The following ZFYVE16 variants were observed in gnomAD, a reference collection of about 807,000 sequenced individuals.
ZFYVE16 encodes the protein zinc finger FYVE-type containing 16.
In ZFYVE16, 89 loss-of-function variants were observed where a neutral mutation model predicts 138.1. The ratio of observed to expected loss-of-function variants is 0.64; its 90% CI spans 0.54 to 0.77. ZFYVE16 has a LOEUF of 0.77. Among genes scored for constraint, ZFYVE16 ranks in the 30% least tolerant of loss-of-function variants. The pLI, the probability that ZFYVE16 is intolerant of heterozygous loss-of-function variation, is 0.00. For synonymous variants in ZFYVE16, 596 were observed against 618.3 expected (o/e 0.96, Z 0.53); for missense variants, 1,793 against 1,786.7 (o/e 1.00, Z -0.06).
intron 1 of ZFYVE16, among the ~76,000 whole-genome samples, chr5:80,408,924 A>C (rs1228573933): frequency 6.6e-6 from 1 of 152,166 alleles, no homozygotes; most frequent in Non-Finnish European, 1.5e-5. Context: ...TCGTCTCTTG[A>C]GTTGGCGGGA....
chr5:80,454,510 T>TC, intron 11 of ZFYVE16: 1 of 133,046 alleles, frequency 7.5e-6, no homozygotes, highest in East Asian at 2.0e-4. Context: ...TGTATATTCC[T>TC]TTTTTTTTTT....
chr5:80,408,574 T>G (rs1580041391), intron 1 of ZFYVE16, among the ~76,000 whole-genome samples: 1 of 152,168 alleles, frequency 6.6e-6, no homozygotes, highest in Admixed American at 6.5e-5. Context: ...AGAGGCTCGG[T>G]CCCCGCAGAG....
In ZFYVE16 at chr5:80,436,997, T is replaced by C; in HGVS notation, c.312T>C (p.Ser104=). 1 of 1,614,226 alleles carries C rather than the reference T, an allele frequency of 6.2e-7. No individual in the cohort carries two copies. Among genetic ancestry groups the C allele is most frequent in the Non-Finnish European group, 8.5e-7 (1 of 1,180,032 alleles). ...ATGTAACAGGACTTGATCTTCTTTC[T>C]TCTGTGGATGGTGGTACTTCAGATG... is the stretch of plus-strand genomic sequence containing the variant. ...EKNVTGLDLL[S]SVDGGTSDEI... is the part of the protein sequence containing the mutation. Residue 104 remains serine (S), a synonymous_variant, in exon 4 of 19, where the codon TCT becomes TCC. Transcript: ENST00000505560.
chr5:80,445,868 C>T (rs1009306072), intron 7 of ZFYVE16, among the ~76,000 whole-genome samples: 23 of 147,352 alleles, frequency 1.6e-4, no homozygotes, highest in African/African-American at 5.8e-4. Flanking sequence ...ATTGAGATTA[C>T]TGGTATAAAT....
chr5:80,482,299 C>T lies in ZFYVE16; in HGVS notation c.*4922C>T, dbSNP rs897821056. The T allele has an allele frequency of 6.6e-6, 1 of 151,948 alleles. No individual in the cohort carries two copies. The highest frequency in any genetic ancestry group is 1.5e-5 in the Non-Finnish European group (1 of 68,002). The allele number at this position is 151,948 out of a possible 1,614,324, so 9.4% of individuals were successfully genotyped here. ...AATAACAAAATTTACTGGAAGGTCTCAACACAATGAAGATGACTGAGGGAA... is the reference window on the plus strand; with the variant it reads ...AATAACAAAATTTACTGGAAGGTCTTAACACAATGAAGATGACTGAGGGAA... On this transcript the variant is annotated 3_prime_UTR_variant, in exon 19 of 19. Coordinates refer to ENST00000505560, the MANE Select transcript of ZFYVE16 (RefSeq NM_001284236.3).
intron 11 of ZFYVE16, 62 bp downstream of exon 11, chr5:80,451,771 C>T: frequency 2.1e-6 from 3 of 1,439,454 alleles, no homozygotes; most frequent in Non-Finnish European, 2.9e-6. Context: ...TAAAGACTTT[C>T]AGGGAATCAT....
intron 2 of ZFYVE16, among the ~76,000 whole-genome samples, chr5:80,428,236 C>T (rs1561250682): frequency 6.6e-6 from 1 of 152,188 alleles, no homozygotes; most frequent in African/African-American, 2.4e-5. Flanking sequence ...CTCACATGGC[C>T]GGGTACCCCT....
Position 80,436,847 on chromosome 5 carries a change from A to T in ZFYVE16, c.162A>T (p.Ser54=). 6.2e-7 allele frequency: 1 copy of T among 1,614,158 alleles called. No homozygotes were observed. The highest frequency in any genetic ancestry group is 8.5e-7 in the Non-Finnish European group (1 of 1,180,026). The change falls in exon 4 of 19, where the codon TCA becomes TCT. Residue 54 remains serine, a synonymous_variant. Coordinates refer to ENST00000505560, the MANE Select transcript of ZFYVE16 (RefSeq NM_001284236.3). ...SSELASSQRT[S]LLPKDQECVN... is the part of the protein sequence containing the mutation. The stretch of plus-strand genomic sequence containing the variant: ...AGTTGGCTTCCTCACAGCGAACTTC[A>T]TTGCTCCCAAAAGACCAAGAGTGCG...
At chr5:80,423,954 C>CT (rs70988470) in intron 1 of ZFYVE16, among the ~76,000 whole-genome samples, 120,301 of 149,836 alleles carry the variant, frequency 0.8, 50,320 homozygotes, top group East Asian at 0.92. Context: ...TTTACTTTTT[C>CT]TTTTTTTTGA....
intron 1 of ZFYVE16, among the ~76,000 whole-genome samples, chr5:80,415,879 G>C (rs1359571283): frequency 6.6e-6 from 1 of 151,890 alleles, no homozygotes; most frequent in Non-Finnish European, 1.5e-5. Flanking sequence ...TGTTGATTAG[G>C]CTGGTCTCCA....
At chr5:80,440,314 G>T in intron 5 of ZFYVE16, 1 of 1,060,234 alleles carries the variant, frequency 9.4e-7, no homozygotes, top group Non-Finnish European at 1.1e-6. Flanking sequence ...CTGCCTATTT[G>T]TTTTTGTCAT....
At position 80,480,147 on chromosome 5, in the gene ZFYVE16, G is replaced by A. The variant is rs1755210370; in HGVS notation, c.*2770G>A. 6.6e-6 allele frequency among the ~76,000 whole-genome samples: 1 copy of A among 150,968 alleles called. No individual in the cohort carries two copies. The highest frequency in any genetic ancestry group is 1.5e-5 in the Non-Finnish European group (1 of 68,016). On this transcript the variant is annotated 3_prime_UTR_variant, in exon 19 of 19. Coordinates refer to ENST00000505560, the MANE Select transcript of ZFYVE16 (RefSeq NM_001284236.3). ...TAGATTCCAGAGGCAAGAATTACTT[G>A]AAGCAATGAAAACAAACTCACAGAT... is the stretch of plus-strand genomic sequence containing the variant.
chr5:80,437,177 G>T lies in ZFYVE16; in HGVS notation c.492G>T (p.Leu164Phe). The T allele has an allele frequency of 1.2e-6, 2 of 1,613,874 alleles. No individual in the cohort carries two copies. Among genetic ancestry groups the T allele is most frequent in the Non-Finnish European group, 1.7e-6 (2 of 1,179,952 alleles). Reference protein sequence around the residue: ...FKSNADSLIGLDLSSVSDTPC... With the variant: ...FKSNADSLIGFDLSSVSDTPC... Reference sequence around the variant, plus strand: ...CTAATGCAGATTCCTTGATTGGATTGGATTTATCTTCAGTGTCAGATACTC... The same window carrying T: ...CTAATGCAGATTCCTTGATTGGATTTGATTTATCTTCAGTGTCAGATACTC... The change falls in exon 4 of 19, where the codon TTG (leucine) becomes TTT (phenylalanine). Residue 164 changes from leucine to phenylalanine, a missense_variant. Physicochemically the swap from Leu to Phe is conservative, Grantham distance 22 (BLOSUM62 0). This residue lies in a region of ZFYVE16 where 1,295 missense variants were observed against 1,204.3 expected (regional missense o/e 1.08). Coordinates refer to ENST00000505560, the MANE Select transcript of ZFYVE16 (RefSeq NM_001284236.3).
intron 18 of ZFYVE16, among the ~76,000 whole-genome samples, chr5:80,475,746 T>C (rs1754843775): frequency 1.3e-5 from 2 of 152,222 alleles, no homozygotes; most frequent in African/African-American, 2.4e-5. Context: ...TAATTATTCA[T>C]GCATATTTGA....
chr5:80,440,357 TAAAC>T (rs1170192333), intron 5 of ZFYVE16: 1 of 1,014,280 alleles, frequency 9.9e-7, no homozygotes, highest in Non-Finnish European at 1.2e-6. Context: ...TTAATCTAAA[TAAAC>T]ACTTACAGAT....
chr5:80,440,536 CTCA>C (rs1299390763), intron 5 of ZFYVE16: 1 of 984,858 alleles, frequency 1.0e-6, no homozygotes, highest in African/African-American at 1.8e-5. Flanking sequence ...ACATTTTTGT[CTCA>C]TGTTTTTTTC....
At chr5:80,466,076 C>G (rs547754274) in intron 15 of ZFYVE16, among the ~76,000 whole-genome samples, 9 of 152,104 alleles carry the variant, frequency 5.9e-5, no homozygotes, top group Admixed American at 4.6e-4. Context: ...AGGCACCCAC[C>G]ACCACGCCCA....
rs1744855464 is a variant in ZFYVE16 at position 80,408,081 on chromosome 5, C to T, written c.-166C>T. 1 of 152,290 alleles carries T rather than the reference C, an allele frequency of 6.6e-6. No individual in the cohort carries two copies. Among genetic ancestry groups the T allele is most frequent in the African/African-American group, 2.4e-5 (1 of 41,466 alleles). 9.4% of individuals were successfully genotyped at this position (152,290 alleles called of 1,614,324 possible). ...GATCTGGCACTCCCAGGACTCCCGG[C>T]CGGGGTAGCTCTTCACTCCTCAGCG... On this transcript the variant is annotated 5_prime_UTR_variant, in exon 1 of 19. Coordinates refer to ENST00000505560, the MANE Select transcript of ZFYVE16 (RefSeq NM_001284236.3).
rs1580395511 is a variant in ZFYVE16 at position 80,480,835 on chromosome 5, A to G, written c.*3458A>G. Among the ~76,000 whole-genome samples the G allele has an allele frequency of 6.6e-6, 1 of 152,080 alleles. No individual in the cohort carries two copies. Among genetic ancestry groups the G allele is most frequent in the South Asian group, 2.1e-4 (1 of 4,816 alleles). On this transcript the variant is annotated 3_prime_UTR_variant, in exon 19 of 19. Transcript: ENST00000505560. ...TCACGGGGGCTGAGGTGGGAGGATCACTTGAGCCCAGGAGGTTAAGGCTCC... is the reference window on the plus strand; with the variant it reads ...TCACGGGGGCTGAGGTGGGAGGATCGCTTGAGCCCAGGAGGTTAAGGCTCC...
Sources: allele counts gnomAD v4.1 joint callset (sites outside exome capture counted in the v4.1 genomes callset), GRCh38; gene constraint gnomAD v4.1.1; regional missense constraint gnomAD v4.1.1; transcripts MANE v1.5; gene names NCBI Gene and HGNC (gene_info 2026-07-23, HGNC 2026-07-21).